Variants in OTOG observed in about 807,000 individuals in gnomAD.
OTOG encodes the protein otogelin.
Under a neutral mutation model 313.8 loss-of-function variants are expected in OTOG, and 296 were observed. The ratio of observed to expected loss-of-function variants is 0.94; its 90% CI spans 0.86 to 1.04. OTOG has a LOEUF of 1.04. OTOG is among the 50% of genes least tolerant of loss of function. The probability of loss-of-function intolerance (pLI) is 0.00; values close to 1 mark genes in which losing one functional copy is unlikely to be tolerated. For missense variants in OTOG, 3,948 were observed against 3,840.1 expected (o/e 1.03, Z -0.74); for synonymous variants, 1,533 against 1,554.9 (o/e 0.99, Z 0.33).
intron 39 of OTOG, among the ~76,000 whole-genome samples, chr11:17,620,857 T>C (rs1175284842): frequency 6.6e-6 from 1 of 152,222 alleles, no homozygotes; most frequent in East Asian, 1.9e-4. Flanking sequence ...TCTAAGTTCA[T>C]TAATCTTTTC....
rs530457225 is a variant in OTOG, at chr11:17,627,415, T to C, written c.6529-1718T>C. ...TGTCCTTTATTCTGTTGATATGATG[T>C]ATCACTTTGATTTGCGTATGTTGAA... On this transcript the variant is annotated intron_variant, in intron 39 of 55. Coordinates refer to ENST00000399397, the MANE Select transcript of OTOG (RefSeq NM_001292063.2). Among the ~76,000 whole-genome samples, 4 of 152,328 alleles carry C rather than the reference T, an allele frequency of 2.6e-5. No homozygotes were observed. In the East Asian group the frequency reaches 7.7e-4, roughly 29 times the overall value.
Position 17,593,245 on chromosome 11 carries a change from G to T in OTOG, c.3059G>T (p.Ser1020Ile). The change falls in exon 26 of 56, where the codon AGC becomes ATC. Residue 1020 changes from serine (S) to isoleucine (I), a missense_variant. Physicochemically the swap from Ser to Ile is moderately radical, Grantham distance 142. Transcript: ENST00000399397. ...SVIVENVNCY[S>I]SGMICRKFIS... The stretch of plus-strand genomic sequence containing the variant: ...ATTGTAGAGAATGTGAACTGCTACA[G>T]CTCTGGCATGATCTGCAGGAAATTT... 6.5e-7 allele frequency: 1 copy of T among 1,550,098 alleles called. No homozygotes were observed. Among genetic ancestry groups the T allele is most frequent in the African/African-American group, 1.4e-5 (1 of 73,150 alleles).
At chr11:17,627,602 C>T (rs1854018225) in intron 39 of OTOG, among the ~76,000 whole-genome samples, 1 of 152,122 alleles carries the variant, frequency 6.6e-6, no homozygotes, top group Non-Finnish European at 1.5e-5. Context: ...ACACTGGCCT[C>T]ATAGAATGAG....
In OTOG at chr11:17,559,113, C is replaced by A; in HGVS notation, c.1165C>A (p.Gln389Lys). The A allele has an allele frequency of 6.5e-7, 1 of 1,544,458 alleles. No homozygotes were observed. Among genetic ancestry groups the A allele is most frequent in the South Asian group, 1.2e-5 (1 of 84,050 alleles). The change falls in exon 11 of 56, where the codon CAG becomes AAG. Residue 389 changes from glutamine to lysine, a missense_variant. Coordinates refer to ENST00000399397, the MANE Select transcript of OTOG (RefSeq NM_001292063.2). ...ALAEYARACA[Q>K]AGRPLQGWRT... The stretch of plus-strand genomic sequence containing the variant: ...GGCGGAGTATGCCCGGGCGTGTGCC[C>A]AGGCAGGGCGGCCCTTGCAAGGCTG...
chr11:17,612,390 C>T lies in OTOG; in HGVS notation c.6292+60C>T, dbSNP rs79657062. The T allele has an allele frequency of 4.6e-4, 680 of 1,473,774 alleles. 4 individuals carry two copies. In the African/African-American group the frequency reaches 8.3e-3, roughly 18 times the overall value. The allele number at this position is 1,473,774 out of a possible 1,614,324, so 91.3% of individuals were successfully genotyped here. ...TCCCTGTATCCTTACCCCAGCATGA[C>T]CGCCATCCCTGATCTGTGTGTCCCA... On this transcript the variant is annotated intron_variant, in intron 37 of 55. Coordinates refer to ENST00000399397, the MANE Select transcript of OTOG (RefSeq NM_001292063.2).
chr11:17,563,854 G>GTTTTTTTTTT (rs61373849), intron 15 of OTOG, among the ~76,000 whole-genome samples: 9 of 106,612 alleles, frequency 8.4e-5, no homozygotes, highest in African/African-American at 1.6e-4. Context: ...CTAGTTTTTG[G>GTTTTTTTTTT]TTTTTTTTTT....
chr11:17,623,023 G>A (rs1241333438), intron 39 of OTOG, among the ~76,000 whole-genome samples: 3 of 152,030 alleles, frequency 2.0e-5, no homozygotes, highest in Non-Finnish European at 4.4e-5. Context: ...CTGTCTTTTG[G>A]ATAAAAGCCA....
rs949200065 is a variant in OTOG, at chr11:17,574,864, G to T, written c.2438G>T (p.Cys813Phe). The T allele has an allele frequency of 1.3e-6, 2 of 1,544,158 alleles. No individual in the cohort carries two copies. Among genetic ancestry groups the T allele is most frequent in the Non-Finnish European group, 1.7e-6 (2 of 1,143,476 alleles). ...GACGAGTGTGTGGAGGGCTGTGCCTGCCCACCGGACACCTATCTGGACACC... is the reference window on the plus strand; with the variant it reads ...GACGAGTGTGTGGAGGGCTGTGCCTTCCCACCGGACACCTATCTGGACACC... ...SRDECVEGCA[C>F]PPDTYLDTQA... The change falls in exon 20 of 56, where the codon TGC (cysteine) becomes TTC (phenylalanine). Residue 813 changes from cysteine (C) to phenylalanine (F), a missense_variant. Physicochemically the swap from Cys to Phe is radical, Grantham distance 205 (BLOSUM62 -2). Coordinates refer to ENST00000399397, the MANE Select transcript of OTOG (RefSeq NM_001292063.2).
At position 17,635,194 on chromosome 11, in the gene OTOG, C is replaced by T. The variant is rs1413319794; in HGVS notation, c.7693+7C>T. The T allele has an allele frequency of 1.3e-6, 2 of 1,537,092 alleles. No individual in the cohort carries two copies. The highest frequency in any genetic ancestry group is 1.7e-6 in the Non-Finnish European group (2 of 1,143,886). Reference sequence around the variant, plus strand: ...TGCACCTCCTACTTCTGCGGTGGGTCGCCGCCACCAGACGCCAGCGCACAC... The same window carrying T: ...TGCACCTCCTACTTCTGCGGTGGGTTGCCGCCACCAGACGCCAGCGCACAC... On this transcript the variant is annotated splice_region_variant and intron_variant, in intron 46 of 55. Transcript: ENST00000399397.
intron 53 of OTOG, 71 bp downstream of exon 53, chr11:17,642,317 G>T (rs956415484): frequency 1.3e-6 from 2 of 1,489,360 alleles, no homozygotes; most frequent in South Asian, 2.7e-5. Context: ...TGGGGTGGAG[G>T]TCCTGTGTGC....
chr11:17,551,989 G>A lies in OTOG; in HGVS notation c.217-11G>A. 1 of 1,550,346 alleles carries A rather than the reference G, an allele frequency of 6.5e-7. No homozygotes were observed. The highest frequency in any genetic ancestry group is 8.7e-7 in the Non-Finnish European group (1 of 1,146,808). ...GCCCTCGATGTGTTCTCTTCCTCCT[G>A]TCTTCACAAGCAGGCTGAAGCCCCA... On this transcript the variant is annotated splice_polypyrimidine_tract_variant and intron_variant, in intron 3 of 55. Transcript: ENST00000399397.
chr11:17,568,316 T>C (rs1308794528), intron 15 of OTOG, among the ~76,000 whole-genome samples: 1 of 152,240 alleles, frequency 6.6e-6, no homozygotes, highest in Non-Finnish European at 1.5e-5. Context: ...TAGTTGTTGG[T>C]TGTAATATCA....
In OTOG at chr11:17,574,423, A is replaced by G. The variant is rs1852472277; in HGVS notation, c.2294-297A>G. The stretch of plus-strand genomic sequence containing the variant: ...GGTGGTGATCTCTACCCCTTCCCCA[A>G]TGTCACTGCCTCAGAGGAATGCCTT... On this transcript the variant is annotated intron_variant, in intron 19 of 55. Coordinates refer to ENST00000399397, the MANE Select transcript of OTOG (RefSeq NM_001292063.2). 2.0e-5 allele frequency among the ~76,000 whole-genome samples: 3 copies of G among 152,040 alleles called. No homozygotes were observed. In the South Asian group the frequency reaches 6.2e-4, roughly 32 times the overall value.
chr11:17,553,618 C>A, intron 6 of OTOG, 99 bp downstream of exon 6: 1 of 1,134,752 alleles, frequency 8.8e-7, no homozygotes, highest in Non-Finnish European at 1.1e-6. Context: ...GAGACTGGCA[C>A]CTTCCTCCTT....
chr11:17,559,928 G>GGAAGAAAAGGAAAGAAGGAAGGGAGGGAA (rs1554968747), intron 12 of OTOG, among the ~76,000 whole-genome samples: 29 of 150,800 alleles, frequency 1.9e-4, no homozygotes, highest in African/African-American at 6.9e-4. Context: ...AAGGAAGGGA[G>GGAAGAAAAGGAAAGAAGGAAGGGAGGGAA]GGAAGGAAGG....
intron 6 of OTOG, among the ~76,000 whole-genome samples, chr11:17,555,285 C>T (rs1189158677): frequency 6.6e-6 from 1 of 151,618 alleles, no homozygotes; most frequent in Non-Finnish European, 1.5e-5. Context: ...GGGAAAGTTA[C>T]AATCTGTACC....
intron 15 of OTOG, among the ~76,000 whole-genome samples, chr11:17,563,592 A>T (rs1852234686): frequency 6.6e-6 from 1 of 152,174 alleles, no homozygotes; most frequent in Admixed American, 6.5e-5. Context: ...GTGGCATAAG[A>T]CAGACAAGAC....
chr11:17,575,635 G>T (rs534589343), intron 20 of OTOG, among the ~76,000 whole-genome samples: 178 of 152,320 alleles, frequency 1.2e-3, no homozygotes, highest in African/African-American at 4.2e-3. Context: ...CTGTTTCTCC[G>T]TCTGTAAAAT....
Position 17,612,629 on chromosome 11 carries a change from C to T in OTOG, c.6302C>T (p.Ser2101Leu). 1 of 1,550,418 alleles carries T rather than the reference C, an allele frequency of 6.4e-7. No individual in the cohort carries two copies. Among genetic ancestry groups the T allele is most frequent in the Non-Finnish European group, 8.7e-7 (1 of 1,146,842 alleles). ...CPLWECACRC[S>L]IFPDLSFVTF... The stretch of plus-strand genomic sequence containing the variant: ...CCTGCCCCTCCCCCAGGCCGGTGCT[C>T]AATCTTCCCTGACCTGAGCTTCGTG... The change falls in exon 38 of 56, where the codon TCA becomes TTA. Residue 2101 changes from serine to leucine, a missense_variant. Transcript: ENST00000399397.
Sources: allele counts gnomAD v4.1 joint callset (sites outside exome capture counted in the v4.1 genomes callset), GRCh38; gene constraint gnomAD v4.1.1; transcripts MANE v1.5; gene names NCBI Gene and HGNC (gene_info 2026-07-23, HGNC 2026-07-21).